DENND2B: variants seen among roughly 807,000 people sequenced by gnomAD.
DENND2B encodes the protein DENN domain-containing protein 2B.
DENND2B carries 32 observed loss-of-function variants against 116.0 expected under a neutral mutation model. The observed-to-expected ratio is 0.28, with a 90% confidence interval of 0.21 to 0.37. The LOEUF (loss-of-function observed/expected upper bound fraction) is 0.37, where lower values mean the gene tolerates loss of function less well. DENND2B is among the 10% of genes least tolerant of loss of function. DENND2B has a pLI of 1.00. For synonymous variants in DENND2B, 588 were observed against 583.9 expected (o/e 1.01, Z -0.10); for missense variants, 1,276 against 1,477.7 (o/e 0.86, Z 2.24).
intron 3 of DENND2B, among the ~76,000 whole-genome samples, chr11:8,855,570 C>G (rs2063166438): frequency 6.6e-6 from 1 of 151,846 alleles, no homozygotes; most frequent in Non-Finnish European, 1.5e-5. Context: ...CGAGAAATAC[C>G]AAGTGCTGTG....
intron 13 of DENND2B, among the ~76,000 whole-genome samples, chr11:8,706,230 T>C (rs1236666860): frequency 2.0e-5 from 3 of 152,076 alleles, no homozygotes; most frequent in African/African-American, 7.2e-5. Context: ...CACTGCACAA[T>C]ATGGGTGGCA....
intron 1 of DENND2B, chr11:8,909,851 T>C (rs1169778848): frequency 1.3e-5 from 2 of 152,060 alleles, no homozygotes; most frequent in African/African-American, 4.8e-5. Context: ...GAGGATTTAT[T>C]TGTGTTCCTT....
chr11:8,779,561 G>A (rs1172856053), intron 1 of DENND2B, among the ~76,000 whole-genome samples: 1 of 143,232 alleles, frequency 7.0e-6, no homozygotes, highest in South Asian at 2.2e-4. Flanking sequence ...TGCCCAGGCT[G>A]CAGTACAATG....
rs114694203 is a variant in DENND2B at position 8,722,854 on chromosome 11, C to G, written c.1477+3219G>C. ...GCCTGGGTCGCTCCCCTCCCTTTCT[C>G]CTGCATCCTCCCCCTCTCTTCTTTC... On this transcript the variant is annotated intron_variant, in intron 4 of 19. Coordinates refer to ENST00000313726, the MANE Select transcript of DENND2B (RefSeq NM_213618.2). Among the ~76,000 whole-genome samples the G allele has an allele frequency of 9.0e-3, 1,364 of 152,282 alleles. 23 individuals carry two copies. The highest frequency in any genetic ancestry group is 0.032 in the African/African-American group (1,318 of 41,558).
chr11:8,801,705 C>CAAAGAAACAAAG (rs1368345567), intron 1 of DENND2B, among the ~76,000 whole-genome samples: 1 of 138,760 alleles, frequency 7.2e-6, no homozygotes, highest in African/African-American at 2.8e-5. Flanking sequence ...AAGAAAGAAA[C>CAAAGAAACAAAG]AAACAAACAC....
intron 1 of DENND2B, among the ~76,000 whole-genome samples, chr11:8,889,380 T>C (rs759313630): frequency 1.3e-5 from 2 of 152,204 alleles, no homozygotes; most frequent in Admixed American, 6.5e-5. Flanking sequence ...TCAATGGGGC[T>C]TGTCAGACAG....
rs1242779572 is a variant in DENND2B at position 8,900,357 on chromosome 11, G to A, written c.-256+10464C>T. 7.9e-5 allele frequency among the ~76,000 whole-genome samples: 12 copies of A among 151,204 alleles called. No individual in the cohort carries two copies. The East Asian group carries it at 2.2e-3, about 27-fold the overall frequency. On this transcript the variant is annotated intron_variant, in intron 1 of 22. Coordinates refer to the DENND2B transcript ENST00000534127. Reference sequence around the variant, plus strand: ...TGAGGCAGGAGAATGACATGAACCCGGGAGGTGGAGCTTGCAGTGCCCAAG... The same window carrying A: ...TGAGGCAGGAGAATGACATGAACCCAGGAGGTGGAGCTTGCAGTGCCCAAG...
intron 1 of DENND2B, among the ~76,000 whole-genome samples, chr11:8,909,198 G>C (rs1439448788): frequency 6.6e-6 from 1 of 152,152 alleles, no homozygotes; most frequent in African/African-American, 2.4e-5. Context: ...AAGTGGCAGA[G>C]AGCCTGGGCA....
At chr11:8,835,327 T>G in intron 4 of DENND2B, among the ~76,000 whole-genome samples, 1 of 152,154 alleles carries the variant, frequency 6.6e-6, no homozygotes, top group South Asian at 2.1e-4. Flanking sequence ...GATGGATATC[T>G]GGGGGGAATC....
intron 4 of DENND2B, chr11:8,718,496 G>C: frequency 6.8e-7 from 1 of 1,467,906 alleles, no homozygotes; most frequent in Non-Finnish European, 9.0e-7. Flanking sequence ...CCTCGGAACG[G>C]AACAGTGATT....
chr11:8,730,690 G>A lies in DENND2B; in HGVS notation c.600C>T (p.Gly200=), dbSNP rs747981455. ...GSGSEWAASE[G]CPSLGCPSVV... is the part of the protein sequence containing the mutation. ...CGCTGGGACAGCCCAGGCTGGGGCA[G>A]CCCTCACTGGCCGCCCACTCGCTCC... Residue 200 remains glycine, a synonymous_variant, in exon 3 of 20, where the codon GGC becomes GGT. Coordinates refer to ENST00000313726, the MANE Select transcript of DENND2B (RefSeq NM_213618.2). The surrounding 1 kb of genome is among the most constrained non-coding windows in gnomAD (Gnocchi z 4.1). 1 of 1,611,640 alleles carries A rather than the reference G, an allele frequency of 6.2e-7. No homozygotes were observed. The highest frequency in any genetic ancestry group is 1.7e-5 in the Admixed American group (1 of 59,938).
intron 6 of DENND2B, 120 bp from the exon 7 acceptor site, chr11:8,714,826 T>C (rs2044418824): frequency 4.8e-6 from 4 of 832,792 alleles, no homozygotes; most frequent in Non-Finnish European, 7.7e-6. Flanking sequence ...TTGCACCCGC[T>C]GGGTCCAGGA....
rs1348125640 is a variant in DENND2B, at chr11:8,838,077, T to A, written c.-115+1233A>T. Reference sequence around the variant, plus strand: ...ATCCTCGTCAGAGAATTTCCATCAGTTTTTCTTACCACGTTTTATACTTTT... The same window carrying A: ...ATCCTCGTCAGAGAATTTCCATCAGATTTTCTTACCACGTTTTATACTTTT... On this transcript the variant is annotated intron_variant, in intron 4 of 6. Coordinates refer to the DENND2B transcript ENST00000524757. Among the ~76,000 whole-genome samples the A allele has an allele frequency of 2.0e-5, 3 of 152,132 alleles. No homozygotes were observed. The South Asian group carries it at 6.2e-4, about 32-fold the overall frequency.
chr11:8,807,002 G>C (rs148768073), intron 1 of DENND2B, among the ~76,000 whole-genome samples: 1 of 149,554 alleles, frequency 6.7e-6, no homozygotes. Flanking sequence ...TCAATTATCT[G>C]CCTGCAGATT....
intron 1 of DENND2B, among the ~76,000 whole-genome samples, chr11:8,803,938 C>T (rs974037168): frequency 9.2e-5 from 14 of 152,170 alleles, no homozygotes; most frequent in African/African-American, 3.4e-4. Flanking sequence ...CTGAGAGCAG[C>T]TTGTGAAGGG....
At chr11:8,694,191 T>C in intron 19 of DENND2B, 61 bp from the exon 20 acceptor site, 1 of 1,590,320 alleles carries the variant, frequency 6.3e-7, no homozygotes, top group Non-Finnish European at 8.6e-7. Context: ...CTCCACTCCC[T>C]CTCCTCCTTG....
intron 1 of DENND2B, among the ~76,000 whole-genome samples, chr11:8,762,087 T>TCCC (rs970657122): frequency 3.9e-5 from 6 of 152,064 alleles, no homozygotes; most frequent in African/African-American, 1.4e-4. Context: ...TCACATGTAC[T>TCCC]CCCCACCAGC....
chr11:8,877,121 TG>T (rs2063851600), intron 2 of DENND2B, among the ~76,000 whole-genome samples: 1 of 147,144 alleles, frequency 6.8e-6, no homozygotes, highest in Non-Finnish European at 1.5e-5. Flanking sequence ...TTTTTTTTTT[TG>T]AGACGGACTC....
intron 3 of DENND2B, among the ~76,000 whole-genome samples, chr11:8,727,964 AACACACACACACACACACACACACAC>A (rs55688240): frequency 1.5e-4 from 21 of 138,766 alleles, no homozygotes; most frequent in East Asian, 4.2e-4. Flanking sequence ...ATTTTACACA[AACACACACACACACACACACACACAC>A]ACACACACAC....
Sources: allele counts gnomAD v4.1 joint callset (sites outside exome capture counted in the v4.1 genomes callset), GRCh38; gene constraint gnomAD v4.1.1; non-coding constraint Gnocchi (gnomAD v3.1); transcripts MANE v1.5; gene names NCBI Gene and HGNC (gene_info 2026-07-23, HGNC 2026-07-21).